PAFAH1B1: variants seen among roughly 807,000 people sequenced by gnomAD.
The protein encoded by PAFAH1B1 is platelet-activating factor acetylhydrolase IB subunit beta.
A neutral mutation model predicts 57.5 loss-of-function variants in PAFAH1B1; 2 were observed. The ratio of observed to expected loss-of-function variants is 0.03; its 90% CI spans 0.01 to 0.11. The LOEUF is 0.11. PAFAH1B1 is among the 10% of genes least tolerant of loss of function. The probability of loss-of-function intolerance (pLI) is 1.00; values close to 1 mark genes in which losing one functional copy is unlikely to be tolerated. For synonymous variants in PAFAH1B1, 152 were observed against 169.6 expected, an observed-to-expected ratio of 0.90 and a Z score of 0.81; for missense variants, 257 against 512.0, an observed-to-expected ratio of 0.50 and a Z score of 4.81.
intron 1 of PAFAH1B1, among the ~76,000 whole-genome samples, chr17:2,620,197 G>A (rs551176937): frequency 6.6e-6 from 1 of 152,228 alleles, no homozygotes; most frequent in East Asian, 1.9e-4. Context: ...AGAACTTTAG[G>A]TGAGATTCCC....
chr17:2,602,144 A>AC (rs942365181), intron 1 of PAFAH1B1, among the ~76,000 whole-genome samples: 73 of 152,150 alleles, frequency 4.8e-4, no homozygotes, highest in Admixed American at 1.1e-3. Flanking sequence ...ATAAAAAAAA[A>AC]CCCCACTTAA....
chr17:2,663,154 T>A (rs1445530053), intron 2 of PAFAH1B1, among the ~76,000 whole-genome samples: 2 of 152,006 alleles, frequency 1.3e-5, no homozygotes, highest in Admixed American at 6.6e-5. Context: ...GGCGGGCACC[T>A]GTAGTCCCAG....
At chr17:2,637,515 G>A (rs1238874975) in intron 1 of PAFAH1B1, among the ~76,000 whole-genome samples, 1 of 152,040 alleles carries the variant, frequency 6.6e-6, no homozygotes, top group Non-Finnish European at 1.5e-5. Flanking sequence ...GCCCAGAGGG[G>A]GAAGGCTGCA....
At chr17:2,619,005 C>G (rs1399490915) in intron 1 of PAFAH1B1, among the ~76,000 whole-genome samples, 1 of 150,724 alleles carries the variant, frequency 6.6e-6, no homozygotes, top group Non-Finnish European at 1.5e-5. Context: ...ATAACACTCC[C>G]ACAAGAGATA....
intron 1 of PAFAH1B1, among the ~76,000 whole-genome samples, chr17:2,630,780 C>T (rs8079534): frequency 0.27 from 40,438 of 152,046 alleles, 5,601 homozygotes; most frequent in Middle Eastern, 0.35. Context: ...TAATCCCAGA[C>T]GTCTTGGAAG....
In PAFAH1B1 at chr17:2,683,867, ATTTG is replaced by A. The variant is rs1372677284; in HGVS notation, c.*2071_*2074del. 6.6e-6 allele frequency: 1 copy of A among 152,600 alleles called. No homozygotes were observed. Among genetic ancestry groups the A allele is most frequent in the Non-Finnish European group, 1.5e-5 (1 of 68,036 alleles). 9.5% of individuals were successfully genotyped at this position (152,600 alleles called of 1,614,324 possible). On this transcript the variant is annotated 3_prime_UTR_variant, in exon 11 of 11. Transcript: ENST00000397195. The stretch of plus-strand genomic sequence containing the variant: ...ATACATAGAAATGGTGCATCTTAAC[ATTTG>A]TTTGTACATGTATAAATGTCTTGTA...
At chr17:2,595,216 C>T (rs1233940297) in intron 1 of PAFAH1B1, among the ~76,000 whole-genome samples, 1 of 152,174 alleles carries the variant, frequency 6.6e-6, no homozygotes, top group Non-Finnish European at 1.5e-5. Context: ...ATTCCCATCT[C>T]TCCTTTAAGC....
chr17:2,662,214 A>C (rs1455994973), intron 2 of PAFAH1B1, among the ~76,000 whole-genome samples: 1 of 152,210 alleles, frequency 6.6e-6, no homozygotes, highest in Non-Finnish European at 1.5e-5. Flanking sequence ...GTAATAGTTT[A>C]GAAAATAATT....
In PAFAH1B1 at chr17:2,638,354, C is replaced by A. The variant is rs375468173; in HGVS notation, c.32+34C>A. On this transcript the variant is annotated intron_variant, in intron 2 of 10. Coordinates refer to ENST00000397195, the MANE Select transcript of PAFAH1B1 (RefSeq NM_000430.4). The stretch of plus-strand genomic sequence containing the variant: ...CTTTGTTTTGTGCTTTAAAAAAAAT[C>A]TCCCTCATGAGAGAGAAAGTAGTAA... 1.3e-5 allele frequency: 20 copies of A among 1,584,226 alleles called. No individual in the cohort carries two copies. In the African/African-American group the frequency reaches 2.7e-4, roughly 21 times the overall value.
chr17:2,594,845 C>T (rs185014807), intron 1 of PAFAH1B1, among the ~76,000 whole-genome samples: 1 of 152,360 alleles, frequency 6.6e-6, no homozygotes, highest in Non-Finnish European at 1.5e-5. Context: ...TATTTACCCT[C>T]TTTAGCCTCC....
In PAFAH1B1 at chr17:2,649,394, G is replaced by A. The variant is rs1030670605; in HGVS notation, c.32+11074G>A. Among the ~76,000 whole-genome samples, 4 of 151,730 alleles carry A rather than the reference G, an allele frequency of 2.6e-5. No homozygotes were observed. The East Asian group carries it at 5.8e-4, about 22-fold the overall frequency. ...TCAAGACCAGCCTGGCCAATATGAC[G>A]AAACCCCATCTCTACTAAAAATACA... On this transcript the variant is annotated intron_variant, in intron 2 of 10. Transcript: ENST00000397195.
chr17:2,639,087 A>G (rs1017298232), intron 2 of PAFAH1B1, among the ~76,000 whole-genome samples: 90 of 151,520 alleles, frequency 5.9e-4, no homozygotes, highest in Non-Finnish European at 9.4e-4. Context: ...TTTAGTAGAG[A>G]TGGGGTTTCA....
At chr17:2,663,802 A>G (rs1036439446) in intron 2 of PAFAH1B1, among the ~76,000 whole-genome samples, 2 of 151,822 alleles carry the variant, frequency 1.3e-5, no homozygotes, top group African/African-American at 4.8e-5. Context: ...GGTTCAAGCA[A>G]TTCTGCGTCA....
intron 2 of PAFAH1B1, among the ~76,000 whole-genome samples, chr17:2,644,877 G>A (rs1315292143): frequency 6.6e-6 from 1 of 152,022 alleles, no homozygotes; most frequent in Admixed American, 6.6e-5. Context: ...CTTTTAATTT[G>A]AATAAAAATA....
chr17:2,648,522 C>G (rs540168715), intron 2 of PAFAH1B1, among the ~76,000 whole-genome samples: 2 of 151,472 alleles, frequency 1.3e-5, no homozygotes, highest in East Asian at 3.9e-4. Context: ...ACTAAAAATA[C>G]AAAAAAATAG....
chr17:2,653,269 G>C (rs536031426), intron 2 of PAFAH1B1, among the ~76,000 whole-genome samples: 1 of 152,122 alleles, frequency 6.6e-6, no homozygotes, highest in Admixed American at 6.6e-5. Flanking sequence ...AGGGCCTGTC[G>C]TGAGGTGAGG....
intron 2 of PAFAH1B1, among the ~76,000 whole-genome samples, chr17:2,652,903 C>A (rs577104326): frequency 6.6e-6 from 1 of 152,218 alleles, no homozygotes; most frequent in South Asian, 2.1e-4. Context: ...TTTGACCCAG[C>A]CATCCCATTA....
intron 1 of PAFAH1B1, among the ~76,000 whole-genome samples, chr17:2,626,508 CAG>C (rs750610746): frequency 7.1e-6 from 1 of 141,490 alleles, no homozygotes; most frequent in East Asian, 2.2e-4. Flanking sequence ...ATTAATTACT[CAG>C]GTTATAGAGT....
At chr17:2,658,699 C>T (rs1447310600) in intron 2 of PAFAH1B1, among the ~76,000 whole-genome samples, 2 of 152,184 alleles carry the variant, frequency 1.3e-5, no homozygotes, top group East Asian at 3.8e-4. Context: ...TTCACTTTGT[C>T]TCTGCCATGG....
Sources: gnomAD v4.1 joint callset for allele counts (sites outside exome capture counted in the v4.1 genomes callset) on GRCh38, gnomAD v4.1.1 for gene constraint, MANE v1.5 for transcripts, NCBI Gene and HGNC (gene_info 2026-07-23, HGNC 2026-07-21) for gene names.